Variants in DCAF6 observed in about 807,000 individuals in gnomAD.
DCAF6 encodes DDB1- and CUL4-associated factor 6.
Under a neutral mutation model 125.1 loss-of-function variants are expected in DCAF6, and 54 were observed. The observed-to-expected ratio is 0.43, with a 90% CI of 0.35 to 0.54. The LOEUF is 0.54. DCAF6 is among the 20% of genes least tolerant of loss of function. DCAF6 has a pLI of 0.01. For synonymous variants in DCAF6, 371 were observed against 390.4 expected, an observed-to-expected ratio of 0.95 and a Z score of 0.58; for missense variants, 934 against 1,161.7, an observed-to-expected ratio of 0.80 and a Z score of 2.85.
At chr1:167,920,633 T>TA in the DCAF6 span, 1 of 1,611,746 alleles carries the variant, frequency 6.2e-7, no homozygotes, top group Admixed American at 1.7e-5. Context: ...CACCAACCCC[T>TA]ACACATTAAC....
intron 13 of DCAF6, among the ~76,000 whole-genome samples, chr1:168,041,944 TA>T (rs1334650406): frequency 6.8e-6 from 1 of 147,796 alleles, no homozygotes; most frequent in Non-Finnish European, 1.5e-5. Flanking sequence ...AAATTCAGTA[TA>T]AAAAATTTAC....
intron 21 of DCAF6, among the ~76,000 whole-genome samples, chr1:168,072,615 C>CATAGTAGG (rs1693254795): frequency 2.6e-5 from 4 of 152,060 alleles, no homozygotes; most frequent in African/African-American, 9.7e-5. Flanking sequence ...ACAGTGCCTA[C>CATAGTAGG]CACATAGTAG....
intron 13 of DCAF6, chr1:168,042,774 G>GATA: frequency 3.2e-6 from 1 of 316,358 alleles, no homozygotes; most frequent in Non-Finnish European, 5.9e-6. Context: ...ATACATACTA[G>GATA]ATAATGAAAG....
intron 4 of DCAF6, among the ~76,000 whole-genome samples, chr1:167,987,243 T>A (rs1296803168): frequency 6.6e-6 from 1 of 152,228 alleles, no homozygotes; most frequent in Non-Finnish European, 1.5e-5. Flanking sequence ...TAACTTCAGA[T>A]AACTTTTTAT....
chr1:167,944,883 A>C (rs1672820943), intron 1 of DCAF6, among the ~76,000 whole-genome samples: 1 of 152,096 alleles, frequency 6.6e-6, no homozygotes, highest in Non-Finnish European at 1.5e-5. Flanking sequence ...ATCCACCTTG[A>C]GTTGATTTTT....
chr1:167,944,262 G>C (rs1672718453), intron 1 of DCAF6, among the ~76,000 whole-genome samples: 1 of 152,166 alleles, frequency 6.6e-6, no homozygotes, highest in African/African-American at 2.4e-5. Flanking sequence ...GTTGTGAATA[G>C]TGCTGCAGTA....
chr1:168,010,104 G>T (rs1455460934), intron 10 of DCAF6, among the ~76,000 whole-genome samples: 2 of 152,156 alleles, frequency 1.3e-5, no homozygotes, highest in Non-Finnish European at 2.9e-5. Context: ...ACACCTAGAA[G>T]AGAGATGCTG....
chr1:168,075,462 T>G lies in DCAF6; in HGVS notation c.*27T>G. The G allele has an allele frequency of 6.4e-7, 1 of 1,559,942 alleles. No individual in the cohort carries two copies. Among genetic ancestry groups the G allele is most frequent in the South Asian group, 1.2e-5 (1 of 81,540 alleles). ...AAACTCTTTTTGGCAAGCACTTAAA[T>G]GTTCTGAAATTTGTATAAGACATTT... is the stretch of plus-strand genomic sequence containing the variant. On this transcript the variant is annotated 3_prime_UTR_variant, in exon 22 of 22. Transcript: ENST00000367840.
At chr1:167,868,917 G>A in the DCAF6 span, among the ~76,000 whole-genome samples, 11 of 152,230 alleles carry the variant, frequency 7.2e-5, no homozygotes, top group Admixed American at 7.2e-4. Flanking sequence ...GTCAAGCCTT[G>A]ACTATTCTGG....
At chr1:167,912,176 T>A in the DCAF6 span, among the ~76,000 whole-genome samples, 1 of 152,230 alleles carries the variant, frequency 6.6e-6, no homozygotes, top group Non-Finnish European at 1.5e-5. Context: ...TGAAGCATTC[T>A]ATTGTAGGAG....
chr1:168,012,515 C>G (rs927092638), intron 10 of DCAF6, among the ~76,000 whole-genome samples: 1 of 152,154 alleles, frequency 6.6e-6, no homozygotes, highest in Non-Finnish European at 1.5e-5. Context: ...TTGACAAAAG[C>G]TAATTCTCCA....
At chr1:167,960,742 A>G (rs1675461505) in intron 2 of DCAF6, among the ~76,000 whole-genome samples, 1 of 152,182 alleles carries the variant, frequency 6.6e-6, no homozygotes, top group Admixed American at 6.5e-5. Context: ...AAGGCCTCAA[A>G]TATGGTCTGT....
At position 167,936,918 on chromosome 1, in the gene DCAF6, CG is replaced by C; in HGVS notation, c.11del (p.Gly4ValfsTer11). On this transcript the variant is annotated frameshift_variant, in exon 1 of 22. Coordinates refer to ENST00000367840, the MANE Select transcript of DCAF6 (RefSeq NM_001198956.2). LOFTEE classifies it high-confidence loss of function. MS[R>X]GGSYPHLLWD... The stretch of plus-strand genomic sequence containing the variant: ...ACCCGGCTCAGGCAGAGCCATGTCT[CG>C]GGGTGGCTCCTACCCACACCTGTTG... 6.2e-7 allele frequency: 1 copy of C among 1,603,510 alleles called. No individual in the cohort carries two copies. Among genetic ancestry groups the C allele is most frequent in the Admixed American group, 1.7e-5 (1 of 58,652 alleles).
chr1:168,034,251 A>G (rs1437407166), intron 12 of DCAF6, among the ~76,000 whole-genome samples: 1 of 152,232 alleles, frequency 6.6e-6, no homozygotes, highest in African/African-American at 2.4e-5. Flanking sequence ...ACAGTGGCCC[A>G]TACCTGTAAT....
intron 11 of DCAF6, among the ~76,000 whole-genome samples, chr1:168,020,965 C>T (rs907275559): frequency 1.3e-5 from 2 of 152,048 alleles, no homozygotes; most frequent in South Asian, 2.1e-4. Context: ...CAGCAAATGC[C>T]TCAGAAATAC....
chr1:167,961,824 A>G (rs1675651344), intron 2 of DCAF6, among the ~76,000 whole-genome samples: 1 of 152,204 alleles, frequency 6.6e-6, no homozygotes, highest in Non-Finnish European at 1.5e-5. Context: ...ATGATGCTCA[A>G]AGTATTTTGG....
chr1:167,911,565 G>A, the DCAF6 span, among the ~76,000 whole-genome samples: 1 of 152,144 alleles, frequency 6.6e-6, no homozygotes, highest in African/African-American at 2.4e-5. Context: ...TAGCCGATCG[G>A]GACAAATACA....
the DCAF6 span, chr1:167,905,119 A>T: frequency 1.2e-6 from 2 of 1,614,202 alleles, no homozygotes; most frequent in South Asian, 2.2e-5. Flanking sequence ...CAGTCCTGGA[A>T]TTCTTCTTTT....
rs201815206 is a variant in DCAF6 at position 168,045,106 on chromosome 1, A to C, written c.2137A>C (p.Thr713Pro). 276 of 1,613,956 alleles carry C rather than the reference A, an allele frequency of 1.7e-4. No individual in the cohort carries two copies. The highest frequency in any genetic ancestry group is 2.2e-4 in the Non-Finnish European group (263 of 1,179,970). ...TGAGCCTCAGTTCCAAACAGAAGCC[A>C]CTGGGCCTTCAGCTCATGAAGAAAC... ...NPEPQFQTEA[T>P]GPSAHEETST... is the part of the protein sequence containing the mutation. Residue 713 changes from threonine (T) to proline (P), a missense_variant, in exon 16 of 22, where the codon ACT (threonine) becomes CCT (proline). Thr to Pro is a conservative substitution (Grantham distance 38). This residue lies in a region of DCAF6 where 559 missense variants were observed against 635.5 expected (regional missense o/e 0.88). Coordinates refer to ENST00000367840, the MANE Select transcript of DCAF6 (RefSeq NM_001198956.2).
Sources: gnomAD v4.1 joint callset for allele counts (sites outside exome capture counted in the v4.1 genomes callset) on GRCh38, gnomAD v4.1.1 for gene constraint, gnomAD v4.1.1 regional missense constraint, MANE v1.5 for transcripts, NCBI Gene and HGNC (gene_info 2026-07-23, HGNC 2026-07-21) for gene names.